KNTC1: variants seen among roughly 807,000 people sequenced by gnomAD.
KNTC1 encodes kinetochore associated 1, also known as kinetochore-associated protein 1.
In KNTC1, 253 loss-of-function variants were observed where a neutral mutation model predicts 314.4. The ratio of observed to expected loss-of-function variants is 0.80; its 90% CI spans 0.73 to 0.89. The LOEUF (loss-of-function observed/expected upper bound fraction) is 0.89, where lower values mean the gene tolerates loss of function less well. KNTC1 is among the 40% of genes least tolerant of loss of function. KNTC1 has a pLI of 0.00. For synonymous variants in KNTC1, 901 were observed against 901.4 expected, an observed-to-expected ratio of 1.00 and a Z score of 0.01; for missense variants, 2,475 against 2,572.9, an observed-to-expected ratio of 0.96 and a Z score of 0.82.
intron 11 of KNTC1, 35 bp from the exon 12 acceptor site, chr12:122,547,880 T>G (rs1322697591): frequency 3.2e-6 from 4 of 1,262,472 alleles, no homozygotes; most frequent in Non-Finnish European, 4.4e-6. Flanking sequence ...TGTAAAAGTT[T>G]ACTTGAATTA....
intron 24 of KNTC1, among the ~76,000 whole-genome samples, chr12:122,572,059 G>A (rs1964722910): frequency 6.6e-6 from 1 of 152,042 alleles, no homozygotes. Flanking sequence ...TGGTATAATT[G>A]GGATTTTCTG....
At chr12:122,624,385 C>T (rs933399808) in intron 62 of KNTC1, among the ~76,000 whole-genome samples, 3 of 152,176 alleles carry the variant, frequency 2.0e-5, no homozygotes, top group Admixed American at 6.5e-5. Flanking sequence ...CCTCCTACCT[C>T]AGTCTCCAGA....
At chr12:122,625,195 G>A (rs992664049) in intron 63 of KNTC1, among the ~76,000 whole-genome samples, 3 of 152,170 alleles carry the variant, frequency 2.0e-5, no homozygotes, top group African/African-American at 7.2e-5. Context: ...CTGAGGCCAG[G>A]AGTTCAAGAC....
At chr12:122,611,553 A>T (rs1178057966) in intron 53 of KNTC1, 2 of 152,366 alleles carry the variant, frequency 1.3e-5, no homozygotes, top group Non-Finnish European at 2.9e-5. Context: ...AAAGGTGGCT[A>T]GTGCAGCTCA....
intron 3 of KNTC1, 40 bp from the exon 4 acceptor site, chr12:122,538,299 T>C: frequency 8.5e-7 from 1 of 1,176,520 alleles, no homozygotes. Flanking sequence ...AAAATAAAGA[T>C]TTTCGAAGGA....
At chr12:122,618,684 T>C in intron 59 of KNTC1, 139 bp downstream of exon 59, 1 of 727,618 alleles carries the variant, frequency 1.4e-6, no homozygotes, top group Non-Finnish European at 2.3e-6. Flanking sequence ...TTGTTGTTGT[T>C]TTGAGATGGA....
At chr12:122,535,668 T>C (rs1409466612) in intron 3 of KNTC1, among the ~76,000 whole-genome samples, 5 of 148,548 alleles carry the variant, frequency 3.4e-5, no homozygotes, top group Non-Finnish European at 7.5e-5. Flanking sequence ...CAACAAAAAT[T>C]AGCTGGGCAT....
chr12:122,580,321 G>A (rs1362369260), intron 32 of KNTC1, among the ~76,000 whole-genome samples: 1 of 152,170 alleles, frequency 6.6e-6, no homozygotes, highest in African/African-American at 2.4e-5. Flanking sequence ...AAATAAAACA[G>A]TGAAGAAAGT....
chr12:122,601,592 T>G lies in KNTC1; in HGVS notation c.4620T>G (p.Ala1540=). The G allele has an allele frequency of 6.5e-7, 1 of 1,537,722 alleles. No homozygotes were observed. The highest frequency in any genetic ancestry group is 8.8e-7 in the Non-Finnish European group (1 of 1,141,972). Residue 1540 remains alanine (A), a synonymous_variant, in exon 45 of 64, where the codon GCT becomes GCG. Coordinates refer to ENST00000333479, the MANE Select transcript of KNTC1 (RefSeq NM_014708.6). ...IEVVLKVIER[A]DEKITNININ... ...TTGTCTTGAAAGTTATAGAACGAGCTGATGAAAAGATAACCAATATTAATA... is the reference window on the plus strand; with the variant it reads ...TTGTCTTGAAAGTTATAGAACGAGCGGATGAAAAGATAACCAATATTAATA...
At chr12:122,605,116 C>A in intron 50 of KNTC1, 29 bp downstream of exon 50, 1 of 1,556,564 alleles carries the variant, frequency 6.4e-7, no homozygotes, top group Non-Finnish European at 8.7e-7. Flanking sequence ...TTTTGTTGTC[C>A]AAGAAAAGCT....
chr12:122,540,490 A>C (rs561084345), intron 5 of KNTC1, among the ~76,000 whole-genome samples: 1 of 152,116 alleles, frequency 6.6e-6, no homozygotes, highest in East Asian at 1.9e-4. Flanking sequence ...TTTTCTATCA[A>C]TGCAATTAAT....
chr12:122,553,160 GA>G lies in KNTC1; in HGVS notation c.1272+1479del, dbSNP rs373313055. On this transcript the variant is annotated intron_variant, in intron 16 of 63. Transcript: ENST00000333479. ...CAACACAGCAAGACTCTGTCTCAGG[GA>G]AAAAAAAAAAAAAAGAGGAATATAG... 3.2e-3 allele frequency among the ~76,000 whole-genome samples: 430 copies of G among 134,436 alleles called. 1 individual carries two copies. Among genetic ancestry groups the G allele is most frequent in the Middle Eastern group, 3.8e-3 (1 of 264 alleles). 88.2% of individuals were successfully genotyped at this position (134,436 alleles called of 152,430 possible).
chr12:122,547,120 C>G (rs1047908636), intron 10 of KNTC1, among the ~76,000 whole-genome samples: 6 of 152,082 alleles, frequency 3.9e-5, no homozygotes, highest in Admixed American at 6.6e-5. Context: ...AGGTGTGAGC[C>G]ACTGCGCCTG....
chr12:122,556,035 TAG>T (rs1440150518), intron 16 of KNTC1, among the ~76,000 whole-genome samples: 1 of 151,932 alleles, frequency 6.6e-6, no homozygotes. Flanking sequence ...TTTTTTGAGA[TAG>T]AGTGTTGTTT....
chr12:122,620,273 T>G, intron 59 of KNTC1: 1 of 353,580 alleles, frequency 2.8e-6, no homozygotes, highest in East Asian at 5.1e-5. Context: ...CAGTAGTCCG[T>G]GTTCCCATGG....
chr12:122,609,537 C>A, intron 52 of KNTC1, 107 bp downstream of exon 52: 1 of 720,250 alleles, frequency 1.4e-6, no homozygotes, highest in South Asian at 1.8e-5. Context: ...CTTGATAAAA[C>A]TCAGGTCAGA....
intron 48 of KNTC1, 103 bp downstream of exon 48, chr12:122,603,346 G>A: frequency 1.2e-6 from 1 of 867,200 alleles, no homozygotes; most frequent in South Asian, 1.8e-5. Flanking sequence ...GTATTTGCTT[G>A]CTCTCTTAAC....
At chr12:122,568,718 C>A (rs1190990663) in intron 21 of KNTC1, among the ~76,000 whole-genome samples, 1 of 152,020 alleles carries the variant, frequency 6.6e-6, no homozygotes, top group African/African-American at 2.4e-5. Flanking sequence ...TTCCTGTAGA[C>A]CCAGCTACTC....
At chr12:122,577,615 C>T in intron 30 of KNTC1, 57 bp from the exon 31 acceptor site, 2 of 1,528,642 alleles carry the variant, frequency 1.3e-6, no homozygotes, top group South Asian at 1.3e-5. Flanking sequence ...GAGGTAAGGC[C>T]ACACCGTCCT....
Sources: allele counts gnomAD v4.1 joint callset (sites outside exome capture counted in the v4.1 genomes callset), GRCh38; gene constraint gnomAD v4.1.1; transcripts MANE v1.5; gene names NCBI Gene and HGNC (gene_info 2026-07-23, HGNC 2026-07-21).